Variants in MTRF1L observed in about 807,000 individuals in gnomAD.
The protein encoded by MTRF1L is mitochondrial translation release factor 1 like, also known as peptide chain release factor 1-like, mitochondrial.
Under a neutral mutation model 40.0 loss-of-function variants are expected in MTRF1L, and 29 were observed. The ratio of observed to expected loss-of-function variants is 0.73; its 90% CI spans 0.54 to 0.99. The LOEUF is 0.99. Among genes scored for constraint, MTRF1L ranks in the 50% least tolerant of loss-of-function variants. The pLI is 0.00. For missense variants in MTRF1L, 412 were observed against 464.5 expected (o/e 0.89, Z 1.04); for synonymous variants, 150 against 175.8 (o/e 0.85, Z 1.16).
At position 153,002,521 on chromosome 6, in the gene MTRF1L, G is replaced by A; in HGVS notation, c.165C>T (p.Ala55=). 6.2e-7 allele frequency: 1 copy of A among 1,611,368 alleles called. No homozygotes were observed. Among genetic ancestry groups the A allele is most frequent in the Non-Finnish European group, 8.5e-7 (1 of 1,179,242 alleles). Reference sequence around the variant, plus strand: ...ACTCGGGCCTCCTGACCTTCAAATGGGCTTCAGACCCCGCCTGGCGCTCGA... The same window carrying A: ...ACTCGGGCCTCCTGACCTTCAAATGAGCTTCAGACCCCGCCTGGCGCTCGA... ...TFLERQAGSE[A]HLKVRRPELL... Residue 55 remains alanine (A), a synonymous_variant, in exon 1 of 7, where the codon GCC becomes GCT. Transcript: ENST00000367233.
At chr6:152,996,654 T>TC (rs895733939) in intron 2 of MTRF1L, among the ~76,000 whole-genome samples, 6 of 152,180 alleles carry the variant, frequency 3.9e-5, no homozygotes, top group African/African-American at 1.4e-4. Flanking sequence ...CAACCTTTAG[T>TC]CTCTGCTTTA....
rs1584110576 is a variant in MTRF1L, at chr6:153,002,543, T to G, written c.143A>C (p.Glu48Ala). Residue 48 changes from glutamate to alanine, a missense_variant, in exon 1 of 7, where the codon GAG (glutamate) becomes GCG (alanine). Transcript: ENST00000367233. The part of the protein sequence containing the change: ...TRGGPLRTFL[E>A]RQAGSEAHLK... ...ATGGGCTTCAGACCCCGCCTGGCGC[T>G]CGAGGAAGGTCCGCAAGGGCCCGCC... 6.3e-7 allele frequency: 1 copy of G among 1,598,998 alleles called. No homozygotes were observed. Among genetic ancestry groups the G allele is most frequent in the East Asian group, 2.3e-5 (1 of 44,032 alleles).
chr6:152,992,826 G>C, intron 5 of MTRF1L, 31 bp downstream of exon 5: 2 of 1,497,546 alleles, frequency 1.3e-6, no homozygotes, highest in Non-Finnish European at 1.8e-6. Flanking sequence ...TGATTTCTTT[G>C]GTGTCATATA....
chr6:153,001,495 A>T (rs1432848596), intron 1 of MTRF1L, among the ~76,000 whole-genome samples: 1 of 152,132 alleles, frequency 6.6e-6, no homozygotes, highest in African/African-American at 2.4e-5. Flanking sequence ...TCTTTATTGG[A>T]ATTCCTTTTC....
intron 4 of MTRF1L, among the ~76,000 whole-genome samples, chr6:152,993,469 C>G (rs1038955882): frequency 6.6e-6 from 1 of 152,136 alleles, no homozygotes; most frequent in African/African-American, 2.4e-5. Context: ...CTCAATTCCT[C>G]AACACACTGG....
chr6:153,002,384 C>G, intron 1 of MTRF1L, 43 bp downstream of exon 1: 1 of 1,613,756 alleles, frequency 6.2e-7, no homozygotes, highest in Non-Finnish European at 8.5e-7. Context: ...AACGAAGAGT[C>G]AAGAATGTGC....
chr6:153,002,665 C>G lies in MTRF1L; in HGVS notation c.21G>C (p.Trp7Cys), dbSNP rs927619893. 1.4e-5 allele frequency: 21 copies of G among 1,499,782 alleles called. No homozygotes were observed. The South Asian group carries it at 2.5e-4, about 18-fold the overall frequency. 92.9% of individuals were successfully genotyped at this position (1,499,782 alleles called of 1,614,324 possible). A position where few individuals can be genotyped will look rare whatever the true frequency, so the allele number is the denominator to read the frequency against. Reference sequence around the variant, plus strand: ...GGGGCCAGAGCCACCGGGCAGCGCCCCACAGAACCCGGGACCGCATCCTTA... The same window carrying G: ...GGGGCCAGAGCCACCGGGCAGCGCCGCACAGAACCCGGGACCGCATCCTTA... Reference protein sequence around the residue: MRSRVLWGAARWLWPRR... With the variant: MRSRVLCGAARWLWPRR... Residue 7 changes from tryptophan (W) to cysteine (C), a missense_variant, in exon 1 of 7, where the codon TGG (tryptophan) becomes TGC (cysteine). Transcript: ENST00000367233.
intron 4 of MTRF1L, among the ~76,000 whole-genome samples, chr6:152,993,749 G>C (rs1778615500): frequency 6.6e-6 from 1 of 152,108 alleles, no homozygotes; most frequent in Non-Finnish European, 1.5e-5. Flanking sequence ...TTCTAGATGT[G>C]GCTCTTGCCA....
intron 1 of MTRF1L, among the ~76,000 whole-genome samples, chr6:153,000,188 C>T (rs1324698462): frequency 1.3e-5 from 2 of 152,114 alleles, no homozygotes; most frequent in African/African-American, 2.4e-5. Flanking sequence ...GCTGGATAAT[C>T]TCTAAGGTGC....
At chr6:152,990,236 AAT>A (rs1778459248) in intron 6 of MTRF1L, 141 bp from the exon 7 acceptor site, 1 of 1,161,442 alleles carries the variant, frequency 8.6e-7, no homozygotes, top group Admixed American at 2.9e-5. Context: ...TAGAATCTCA[AAT>A]GACATGGGAA....
At chr6:152,999,826 G>A (rs1017576859) in intron 1 of MTRF1L, among the ~76,000 whole-genome samples, 14 of 152,112 alleles carry the variant, frequency 9.2e-5, no homozygotes, top group Non-Finnish European at 1.5e-4. Context: ...AAATTACCCT[G>A]TCTTGGGTAT....
intron 2 of MTRF1L, among the ~76,000 whole-genome samples, chr6:152,996,578 AC>A (rs1222441072): frequency 6.6e-6 from 1 of 152,124 alleles, no homozygotes; most frequent in African/African-American, 2.4e-5. Context: ...AAAAATAAGT[AC>A]CCCCTTTCCT....
intron 1 of MTRF1L, among the ~76,000 whole-genome samples, chr6:153,000,533 T>G (rs971184135): frequency 1.3e-5 from 2 of 152,188 alleles, no homozygotes; most frequent in African/African-American, 4.8e-5. Context: ...AATCAACATA[T>G]GTTTACTGGA....
rs1025820118 is a variant in MTRF1L at position 153,000,856 on chromosome 6, A to G, written c.259+1571T>C. ...AAAGGTTGTTTTACCTTTCTATGTC[A>G]GGTACTACGGATTTTTTTTTTTTTT... On this transcript the variant is annotated intron_variant, in intron 1 of 6. Coordinates refer to ENST00000367233, the MANE Select transcript of MTRF1L (RefSeq NM_019041.7). 3.4e-5 allele frequency among the ~76,000 whole-genome samples: 5 copies of G among 146,704 alleles called. No homozygotes were observed. In the Admixed American group the frequency reaches 3.5e-4, roughly 10 times the overall value.
intron 6 of MTRF1L, among the ~76,000 whole-genome samples, chr6:152,990,701 A>C (rs1044104674): frequency 6.6e-6 from 1 of 152,088 alleles, no homozygotes; most frequent in African/African-American, 2.4e-5. Flanking sequence ...GCAGGCGCCT[A>C]TAATCCCAGC....
rs1476400619 is a variant in MTRF1L, at chr6:152,990,045, C to T, written c.993G>A (p.Gln331=). ...TTATTCTGTGATCTGTGACCCGGTT[C>T]TGTGGAAAATTATATGTTCTTATTT... ...SEKIRTYNFP[Q]NRVTDHRINK... Residue 331 remains glutamine, a synonymous_variant, in exon 7 of 7, where the codon CAG becomes CAA. Transcript: ENST00000367233. The T allele has an allele frequency of 6.2e-7, 1 of 1,613,832 alleles. No homozygotes were observed. Among genetic ancestry groups the T allele is most frequent in the Non-Finnish European group, 8.5e-7 (1 of 1,179,946 alleles).
chr6:153,002,292 C>A, intron 1 of MTRF1L, 135 bp downstream of exon 1: 2 of 1,339,186 alleles, frequency 1.5e-6, no homozygotes, highest in Non-Finnish European at 2.1e-6. Context: ...GTAATGATGT[C>A]CTGACCTCTG....
At position 152,998,538 on chromosome 6, in the gene MTRF1L, GA is replaced by G. The variant is rs1391439887; in HGVS notation, c.339+11del. 1 of 1,553,426 alleles carries G rather than the reference GA, an allele frequency of 6.4e-7. No homozygotes were observed. The highest frequency in any genetic ancestry group is 8.7e-7 in the Non-Finnish European group (1 of 1,151,904). The stretch of plus-strand genomic sequence containing the variant: ...TAGCACAAATGCTTTATTCTTTGCA[GA>G]AATACCATACCTGATGCTTCAGCTG... On this transcript the variant is annotated intron_variant, in intron 2 of 6. Transcript: ENST00000367233.
intron 1 of MTRF1L, among the ~76,000 whole-genome samples, chr6:153,000,223 G>A (rs1274935513): frequency 1.3e-5 from 2 of 152,208 alleles, no homozygotes; most frequent in Admixed American, 6.5e-5. Flanking sequence ...AAGCTAAGGA[G>A]ATTGGAACTA....
Sources: allele counts gnomAD v4.1 joint callset (sites outside exome capture counted in the v4.1 genomes callset), GRCh38; gene constraint gnomAD v4.1.1; transcripts MANE v1.5; gene names NCBI Gene and HGNC (gene_info 2026-07-23, HGNC 2026-07-21).